SPON1: variants seen among roughly 807,000 people sequenced by gnomAD.
The protein encoded by SPON1 is spondin-1.
SPON1 carries 52 observed loss-of-function variants against 111.7 expected under a neutral mutation model. The observed-to-expected ratio is 0.47, with a 90% CI of 0.37 to 0.59. SPON1 has a LOEUF of 0.59. Ranked by LOEUF, SPON1 falls within the 20% of genes least tolerant of loss-of-function variation. SPON1 has a pLI of 0.00. For synonymous variants in SPON1, 410 were observed against 395.8 expected (o/e 1.04, Z -0.43); for missense variants, 957 against 1,068.5 (o/e 0.90, Z 1.46).
At chr11:14,166,576 G>C (rs903519399) in intron 6 of SPON1, among the ~76,000 whole-genome samples, 6 of 152,076 alleles carry the variant, frequency 3.9e-5, no homozygotes, top group South Asian at 2.1e-4. Flanking sequence ...ACTGCCTTTT[G>C]AAAAGGACCA....
At chr11:14,156,736 ATT>A (rs1847852540) in intron 6 of SPON1, among the ~76,000 whole-genome samples, 1 of 152,092 alleles carries the variant, frequency 6.6e-6, no homozygotes, top group Non-Finnish European at 1.5e-5. Context: ...TCCCAGCACC[ATT>A]TATTAAATAG....
At chr11:14,117,602 C>G (rs1015731661) in intron 5 of SPON1, among the ~76,000 whole-genome samples, 32 of 152,194 alleles carry the variant, frequency 2.1e-4, no homozygotes, top group African/African-American at 7.5e-4. Flanking sequence ...GTTGCTACAT[C>G]TATGGTCATG....
chr11:14,013,271 C>G (rs1055288313), intron 2 of SPON1, among the ~76,000 whole-genome samples: 1 of 152,124 alleles, frequency 6.6e-6, no homozygotes, highest in African/African-American at 2.4e-5. Context: ...CTCTGCTCGG[C>G]CTTGTCTGTT....
chr11:14,117,928 T>C (rs1849278255), intron 5 of SPON1, among the ~76,000 whole-genome samples: 2 of 152,186 alleles, frequency 1.3e-5, no homozygotes, highest in Admixed American at 1.3e-4. Flanking sequence ...AGTTAGACAA[T>C]GCATAATAAA....
At chr11:14,129,659 T>G (rs145161399) in intron 5 of SPON1, among the ~76,000 whole-genome samples, 1,794 of 152,290 alleles carry the variant, frequency 0.012, 30 homozygotes, top group African/African-American at 0.041. Flanking sequence ...TGCTTCCACA[T>G]TTTCAGGTAT....
chr11:14,076,054 C>A (rs930940953), intron 4 of SPON1, among the ~76,000 whole-genome samples: 2 of 152,108 alleles, frequency 1.3e-5, no homozygotes, highest in Non-Finnish European at 2.9e-5. Flanking sequence ...CCCCTTCTAG[C>A]CATGTGACTT....
chr11:14,089,076 G>A (rs527470141), intron 5 of SPON1, among the ~76,000 whole-genome samples: 21 of 152,032 alleles, frequency 1.4e-4, no homozygotes, highest in African/African-American at 3.9e-4. Context: ...GTTAGAACAC[G>A]TTCCTTTACC....
chr11:14,002,424 A>G lies in SPON1; in HGVS notation c.345+19471A>G, dbSNP rs563615816. Among the ~76,000 whole-genome samples the G allele has an allele frequency of 2.0e-5, 3 of 152,240 alleles. No individual in the cohort carries two copies. In the East Asian group the frequency reaches 5.8e-4, roughly 29 times the overall value. On this transcript the variant is annotated intron_variant, in intron 2 of 15. Transcript: ENST00000576479. ...AGAGCACCTTAAGAAACACATAAGCATGTTGATTAGTGACTGACCTGAAAC... is the reference window on the plus strand; with the variant it reads ...AGAGCACCTTAAGAAACACATAAGCGTGTTGATTAGTGACTGACCTGAAAC...
chr11:13,974,256 C>T (rs563740040), intron 1 of SPON1, among the ~76,000 whole-genome samples: 8 of 152,246 alleles, frequency 5.3e-5, no homozygotes, highest in Non-Finnish European at 8.8e-5. Context: ...CAGAAGCTGA[C>T]GCGCATTGTG....
At chr11:14,202,069 C>G (rs1320616490) in intron 6 of SPON1, among the ~76,000 whole-genome samples, 3 of 152,104 alleles carry the variant, frequency 2.0e-5, no homozygotes, top group Admixed American at 2.0e-4. Flanking sequence ...ATATGATTTT[C>G]TGGCAAGATT....
chr11:14,235,874 G>A (rs1848859877), intron 6 of SPON1, among the ~76,000 whole-genome samples: 1 of 152,138 alleles, frequency 6.6e-6, no homozygotes, highest in African/African-American at 2.4e-5. Flanking sequence ...GGAAACAAAG[G>A]AGAGAGTGCT....
At chr11:14,256,949 T>G (rs1176307837) in intron 10 of SPON1, among the ~76,000 whole-genome samples, 2 of 152,200 alleles carry the variant, frequency 1.3e-5, no homozygotes, top group African/African-American at 4.8e-5. Context: ...AAATCTCATT[T>G]TAATGGGCTT....
At chr11:13,994,038 A>G (rs1554911489) in intron 2 of SPON1, among the ~76,000 whole-genome samples, 2 of 152,166 alleles carry the variant, frequency 1.3e-5, no homozygotes, top group African/African-American at 2.4e-5. Context: ...ATTCATAATC[A>G]CCTGTTTTTA....
chr11:14,246,334 C>G (rs1273633183), intron 7 of SPON1, among the ~76,000 whole-genome samples: 1 of 152,134 alleles, frequency 6.6e-6, no homozygotes, highest in Non-Finnish European at 1.5e-5. Context: ...TCCTAATAAC[C>G]ATGAGGTAGG....
rs953952376 is a variant in SPON1 at position 14,104,974 on chromosome 11, C to T, written c.676+24953C>T. The stretch of plus-strand genomic sequence containing the variant: ...TGTCTACTTATGACTATATCTTTTA[C>T]ATGAAATATGTAACCTAGCTCCTTG... On this transcript the variant is annotated intron_variant, in intron 5 of 15. Coordinates refer to ENST00000576479, the MANE Select transcript of SPON1 (RefSeq NM_006108.4). 2.0e-5 allele frequency among the ~76,000 whole-genome samples: 3 copies of T among 152,214 alleles called. No homozygotes were observed. In the East Asian group the frequency reaches 5.8e-4, roughly 29 times the overall value.
chr11:13,973,127 T>G (rs116030882), intron 1 of SPON1, among the ~76,000 whole-genome samples: 67 of 152,272 alleles, frequency 4.4e-4, no homozygotes, highest in African/African-American at 1.5e-3. Flanking sequence ...TCAGTGAAAA[T>G]CCTCTTAGCT....
At chr11:14,045,296 G>A (rs1170981483) in intron 3 of SPON1, among the ~76,000 whole-genome samples, 16 of 152,278 alleles carry the variant, frequency 1.1e-4, no homozygotes, top group East Asian at 3.9e-4. Flanking sequence ...ACGGCCGGGC[G>A]TGGTGGCTCT....
chr11:14,039,168 T>A (rs1432739492), intron 2 of SPON1, among the ~76,000 whole-genome samples: 1 of 152,130 alleles, frequency 6.6e-6, no homozygotes, highest in Non-Finnish European at 1.5e-5. Flanking sequence ...TAGAAAAGAT[T>A]AGTGGTTGGG....
At chr11:14,009,654 TAGACTC>T (rs1848389494) in intron 2 of SPON1, among the ~76,000 whole-genome samples, 5 of 152,242 alleles carry the variant, frequency 3.3e-5, no homozygotes, top group Admixed American at 1.3e-4. Flanking sequence ...CAAAATATCT[TAGACTC>T]AGTGATTTAC....
Sources: gnomAD v4.1 joint callset for allele counts (sites outside exome capture counted in the v4.1 genomes callset) on GRCh38, gnomAD v4.1.1 for gene constraint, MANE v1.5 for transcripts, NCBI Gene and HGNC (gene_info 2026-07-23, HGNC 2026-07-21) for gene names.